Variants in MMP28 observed in about 807,000 individuals in gnomAD.
MMP28 encodes the protein matrix metallopeptidase 28.
In MMP28, 55 loss-of-function variants were observed where a neutral mutation model predicts 60.5. That is an observed-to-expected ratio of 0.91 (90% CI 0.73 to 1.14). The LOEUF is 1.14. Ranked by LOEUF, MMP28 falls within the 50% of genes most tolerant of loss-of-function variation. The pLI, the probability that MMP28 is intolerant of heterozygous loss-of-function variation, is 0.00. For synonymous variants in MMP28, 318 were observed against 312.5 expected (o/e 1.02, Z -0.18); for missense variants, 686 against 738.3 (o/e 0.93, Z 0.82).
At chr17:35,765,616 C>T (rs1555602767), downstream of MMP28, among the ~76,000 whole-genome samples, 1 of 152,236 alleles carries the variant, frequency 6.6e-6, no homozygotes, top group African/African-American at 2.4e-5. Flanking sequence ...GCGCCTGCAG[C>T]GTTGCAGAGC....
At chr17:35,764,712 G>T, downstream of MMP28, 1 of 1,353,580 alleles carries the variant, frequency 7.4e-7, no homozygotes, top group Non-Finnish European at 9.8e-7. Context: ...CCTCTTCGAC[G>T]CATTCCGCAG....
chr17:35,756,869 AC>A (rs1165486550), intron 2 of MMP28, among the ~76,000 whole-genome samples: 1 of 152,086 alleles, frequency 6.6e-6, no homozygotes, highest in African/African-American at 2.4e-5. Context: ...TTCTCCAGAG[AC>A]AAGGGAAGAA....
intron 2 of MMP28, among the ~76,000 whole-genome samples, chr17:35,760,213 C>T (rs1598403256): frequency 6.6e-6 from 1 of 152,218 alleles, no homozygotes. Flanking sequence ...AGAGCTGAAT[C>T]TGTCCATTGT....
Position 35,779,095 on chromosome 17 carries a change from G to T in MMP28, c.192-20C>A. 6.2e-7 allele frequency: 1 copy of T among 1,609,704 alleles called. No individual in the cohort carries two copies. Among genetic ancestry groups the T allele is most frequent in the Non-Finnish European group, 8.5e-7 (1 of 1,177,506 alleles). ...AACGCTCTGTCAGGAGGAAAGGACC[G>T]CAAGGGGAGGGTGAGTGGTAAGGGT... On this transcript the variant is annotated intron_variant, in intron 2 of 7. Transcript: ENST00000605424.
rs759874056 is a variant in MMP28, at chr17:35,773,372, G to A, written c.412C>T (p.Arg138Cys). 23 of 1,607,748 alleles carry A rather than the reference G, an allele frequency of 1.4e-5. No individual in the cohort carries two copies. Among genetic ancestry groups the A allele is most frequent in the Middle Eastern group, 1.6e-4 (1 of 6,074 alleles). The change falls in exon 4 of 8, where the codon CGC becomes TGC. Residue 138 changes from arginine to cysteine, a missense_variant. By Grantham distance (180) the Arg-to-Cys change is radical. Coordinates refer to ENST00000605424, the MANE Select transcript of MMP28 (RefSeq NM_024302.5). ...NKWYKQHLSY[R>C]LVNWPEHLPE... ...AGATGCTCAGGCCAGTTCACCAGGC[G>A]GTAGGAGAGGTGCTGCTTGTACCAT...
intron 4 of MMP28, among the ~76,000 whole-genome samples, chr17:35,771,131 C>T (rs1448231883): frequency 2.6e-5 from 4 of 151,924 alleles, no homozygotes; most frequent in African/African-American, 4.8e-5. Flanking sequence ...GTAATAAGGG[C>T]CACTTAAGAA....
intron 2 of MMP28, chr17:35,760,801 C>T (rs2085801910): frequency 2.1e-6 from 2 of 932,316 alleles, no homozygotes; most frequent in African/African-American, 1.6e-5. Context: ...CTGGGCAGAG[C>T]CTTATGGGCA....
At chr17:35,764,750 A>G, downstream of MMP28, 1 of 1,040,124 alleles carries the variant, frequency 9.6e-7, no homozygotes. Flanking sequence ...TGCTGCCCAG[A>G]GCGCCCCCAT....
chr17:35,769,918 A>G lies in MMP28; in HGVS notation c.850+149T>C, dbSNP rs899632027. 8.2e-5 allele frequency: 87 copies of G among 1,056,448 alleles called. No homozygotes were observed. In the African/African-American group the frequency reaches 1.3e-3, roughly 15 times the overall value. 65.4% of individuals were successfully genotyped at this position (1,056,448 alleles called of 1,614,324 possible). On this transcript the variant is annotated intron_variant, in intron 5 of 7. Transcript: ENST00000605424. ...GTTTTTCAGATTTGAGGAGGGGCAT[A>G]GGGCTTTAGAATTGGGACGAATCGG... is the stretch of plus-strand genomic sequence containing the variant.
At chr17:35,781,626 G>A (rs916474027) in intron 1 of MMP28, among the ~76,000 whole-genome samples, 1 of 152,156 alleles carries the variant, frequency 6.6e-6, no homozygotes, top group Non-Finnish European at 1.5e-5. Context: ...TTGGGCAGAC[G>A]ATGCACTTGG....
intron 3 of MMP28, among the ~76,000 whole-genome samples, chr17:35,774,229 C>T (rs1430149946): frequency 6.6e-6 from 1 of 152,232 alleles, no homozygotes; most frequent in Non-Finnish European, 1.5e-5. Flanking sequence ...TGCAGCTCAG[C>T]GTGCACCCGG....
At chr17:35,768,679 G>A (rs189586205) in intron 5 of MMP28, among the ~76,000 whole-genome samples, 6 of 152,266 alleles carry the variant, frequency 3.9e-5, no homozygotes, top group Admixed American at 3.3e-4. Flanking sequence ...GCATGGTGGT[G>A]CACACGTGTA....
Position 35,770,158 on chromosome 17 carries a change from C to G in MMP28, c.759G>C (p.Ala253=). 1 of 1,607,220 alleles carries G rather than the reference C, an allele frequency of 6.2e-7. No individual in the cohort carries two copies. ...AGTAGGGCGCCATGAGCGCGCGCGG[C>G]GCGGGCGAGTGGGTGAGGCCAAGCG... ...GHTLGLTHSP[A]PRALMAPYYK... The change falls in exon 5 of 8, where the codon GCG becomes GCC. Residue 253 remains alanine (A), a synonymous_variant. Transcript: ENST00000605424.
intron 4 of MMP28, among the ~76,000 whole-genome samples, chr17:35,772,701 A>G (rs1555606144): frequency 1.3e-5 from 2 of 152,216 alleles, no homozygotes; most frequent in East Asian, 3.9e-4. Flanking sequence ...AAACAGAACT[A>G]TCTGTGGCGT....
At position 35,773,304 on chromosome 17, in the gene MMP28, C is replaced by G; in HGVS notation, c.480G>C (p.Gln160His). Reference sequence around the variant, plus strand: ...CCAGCGCTGAGACGTTGCTCCACAACTGGAAGGCGGCGCGCACGGCGCCCC... The same window carrying G: ...CCAGCGCTGAGACGTTGCTCCACAAGTGGAAGGCGGCGCGCACGGCGCCCC... ...AVRGAVRAAFQLWSNVSALEF... is the reference protein window; with the variant it reads ...AVRGAVRAAFHLWSNVSALEF... The change falls in exon 4 of 8, where the codon CAG becomes CAC. Residue 160 changes from glutamine (Q) to histidine (H), a missense_variant. Gln to His is a conservative substitution (Grantham distance 24). Coordinates refer to ENST00000605424, the MANE Select transcript of MMP28 (RefSeq NM_024302.5). 3.7e-6 allele frequency: 6 copies of G among 1,613,856 alleles called. No homozygotes were observed. The highest frequency in any genetic ancestry group is 5.1e-6 in the Non-Finnish European group (6 of 1,179,840).
downstream of MMP28, chr17:35,760,971 G>C (rs782010235): frequency 5.0e-6 from 8 of 1,611,042 alleles, no homozygotes; most frequent in Admixed American, 6.7e-5. Context: ...GGGGCTGGAG[G>C]CAGGGTGGGG....
downstream of MMP28, chr17:35,764,101 C>G (rs1555602120): frequency 6.5e-7 from 1 of 1,550,120 alleles, no homozygotes; most frequent in Admixed American, 2.0e-5. Flanking sequence ...AGGACGAGGA[C>G]GAGGACAACC....
In MMP28 at chr17:35,767,808, G is replaced by A. The variant is rs753946857; in HGVS notation, c.1112C>T (p.Pro371Leu). Residue 371 changes from proline (P) to leucine (L), a missense_variant, in exon 7 of 8, where the codon CCC becomes CTC. Coordinates refer to ENST00000605424, the MANE Select transcript of MMP28 (RefSeq NM_024302.5). ...PLQERWVGLP[P>L]NIEAAAVSLN... is the part of the protein sequence containing the mutation. ...TGACACTGCCGCAGCCTCAATGTTG[G>A]GGGGCAGCCCGACCCATCTTTCCTG... is the stretch of plus-strand genomic sequence containing the variant. 3.1e-6 allele frequency: 5 copies of A among 1,604,586 alleles called. No homozygotes were observed. In the Admixed American group the frequency reaches 5.2e-5, roughly 17 times the overall value.
intron 2 of MMP28, chr17:35,758,180 T>A (rs1293273170): frequency 6.6e-6 from 1 of 152,196 alleles, no homozygotes; most frequent in Non-Finnish European, 1.5e-5. Context: ...CAATAGAATA[T>A]AGCCCATTCT....
Sources: gnomAD v4.1 joint callset for allele counts (sites outside exome capture counted in the v4.1 genomes callset) on GRCh38, gnomAD v4.1.1 for gene constraint, MANE v1.5 for transcripts, NCBI Gene and HGNC (gene_info 2026-07-23, HGNC 2026-07-21) for gene names.